TNR: variants seen among roughly 807,000 people sequenced by gnomAD.
The protein encoded by TNR is tenascin R.
TNR carries 45 observed loss-of-function variants against 150.4 expected under a neutral mutation model. That is an observed-to-expected ratio of 0.30 (90% CI 0.24 to 0.38). The LOEUF is 0.38. TNR is among the 10% of genes least tolerant of loss of function. The probability of loss-of-function intolerance (pLI) is 1.00; values close to 1 mark genes in which losing one functional copy is unlikely to be tolerated. For missense variants in TNR, 1,544 were observed against 1,759.1 expected (o/e 0.88, Z 2.19); for synonymous variants, 687 against 678.4 (o/e 1.01, Z -0.20).
chr1:175,556,942 C>T (rs1443036969), intron 1 of TNR: 1 of 152,190 alleles, frequency 6.6e-6, no homozygotes, highest in Non-Finnish European at 1.5e-5. Context: ...ATGTTGTGTA[C>T]AATTGTGACA....
chr1:175,522,872 T>A (rs1659696493), intron 2 of TNR, among the ~76,000 whole-genome samples: 1 of 152,254 alleles, frequency 6.6e-6, no homozygotes, highest in Non-Finnish European at 1.5e-5. Context: ...TTTAAATTTG[T>A]CTTTATGGCA....
intron 1 of TNR, among the ~76,000 whole-genome samples, chr1:175,540,510 CTG>C (rs1660461221): frequency 1.3e-5 from 2 of 152,326 alleles, no homozygotes; most frequent in East Asian, 3.9e-4. Context: ...GCTCTCAGCT[CTG>C]TTGCTGTGAC....
chr1:175,367,384 C>A, intron 9 of TNR, 87 bp from the exon 10 acceptor site: 1 of 1,047,690 alleles, frequency 9.5e-7, no homozygotes, highest in East Asian at 2.4e-5. Context: ...ATCTTAGACT[C>A]CTATTCATAT....
chr1:175,633,801 T>A (rs1433277601), intron 1 of TNR, among the ~76,000 whole-genome samples: 1 of 151,542 alleles, frequency 6.6e-6, no homozygotes, highest in Non-Finnish European at 1.5e-5. Context: ...ATGGGAGAGG[T>A]GGAGGGAGGA....
At chr1:175,492,527 C>A (rs531454102) in intron 2 of TNR, among the ~76,000 whole-genome samples, 1 of 152,288 alleles carries the variant, frequency 6.6e-6, no homozygotes, top group East Asian at 1.9e-4. Flanking sequence ...GAGAAGCATA[C>A]ACCTAGAAAA....
Position 175,431,635 on chromosome 1 carries a change from C to CTTT in TNR, c.-63-24861_-63-24859dup, listed in dbSNP as rs35340891. ...CCAGGAAAGCTTCCACTGACAATAACTTTTTTTTTTTTTTTTGTAATGGGG... is the reference window on the plus strand; with the variant it reads ...CCAGGAAAGCTTCCACTGACAATAACTTTTTTTTTTTTTTTTTTTGTAATGGGG... On this transcript the variant is annotated intron_variant, in intron 2 of 22. Transcript: ENST00000367674. Among the ~76,000 whole-genome samples, 1,217 of 143,122 alleles carry CTTT rather than the reference C, an allele frequency of 8.5e-3. 28 individuals carry two copies. Among genetic ancestry groups the CTTT allele is most frequent in the African/African-American group, 0.03 (1,160 of 38,664 alleles). The allele number at this position is 143,122 out of a possible 152,430, so 93.9% of individuals were successfully genotyped here.
At chr1:175,404,590 C>T (rs1653865811) in intron 3 of TNR, among the ~76,000 whole-genome samples, 1 of 152,210 alleles carries the variant, frequency 6.6e-6, no homozygotes, top group African/African-American at 2.4e-5. Context: ...TAGTAAGTTA[C>T]ATCCTTGTTT....
intron 2 of TNR, among the ~76,000 whole-genome samples, chr1:175,461,014 T>C (rs1243938516): frequency 6.6e-6 from 1 of 152,256 alleles, no homozygotes; most frequent in Non-Finnish European, 1.5e-5. Context: ...CATGCTTGCA[T>C]GGCTGAAGCC....
intron 2 of TNR, among the ~76,000 whole-genome samples, chr1:175,425,852 G>A (rs2102065829): frequency 6.6e-6 from 1 of 152,258 alleles, no homozygotes; most frequent in East Asian, 1.9e-4. Flanking sequence ...GAGTTTCAGG[G>A]CATTATTGGG....
intron 1 of TNR, among the ~76,000 whole-genome samples, chr1:175,645,563 T>C (rs886992900): frequency 1.3e-5 from 2 of 152,216 alleles, no homozygotes; most frequent in African/African-American, 4.8e-5. Flanking sequence ...CCACAACAGT[T>C]TTTAAAGAAA....
At chr1:175,711,444 G>A (rs1667011529) in intron 1 of TNR, among the ~76,000 whole-genome samples, 1 of 152,210 alleles carries the variant, frequency 6.6e-6, no homozygotes, top group Non-Finnish European at 1.5e-5. Context: ...TGCAGGCAAT[G>A]GGAGATGATA....
chr1:175,420,981 G>T (rs1266190095), intron 2 of TNR, among the ~76,000 whole-genome samples: 7 of 152,012 alleles, frequency 4.6e-5, no homozygotes, highest in Admixed American at 1.3e-4. Context: ...GTTTCAGGAA[G>T]AATACGCTCT....
intron 2 of TNR, among the ~76,000 whole-genome samples, chr1:175,407,144 G>A (rs1053016333): frequency 1.3e-5 from 2 of 152,176 alleles, no homozygotes; most frequent in Non-Finnish European, 2.9e-5. Context: ...TTCTAGGTGA[G>A]AAATTGGACC....
intron 1 of TNR, among the ~76,000 whole-genome samples, chr1:175,601,812 C>T (rs575554920): frequency 2.0e-4 from 31 of 152,202 alleles, no homozygotes; most frequent in Admixed American, 1.8e-3. Context: ...AACTCTATTC[C>T]TACCTAATAG....
intron 1 of TNR, among the ~76,000 whole-genome samples, chr1:175,566,822 T>A (rs1464986587): frequency 6.6e-6 from 1 of 152,226 alleles, no homozygotes; most frequent in Non-Finnish European, 1.5e-5. Flanking sequence ...AGTCTACGTT[T>A]TTTTGTCCAC....
chr1:175,491,807 A>G (rs1022788570), intron 2 of TNR, among the ~76,000 whole-genome samples: 23 of 150,998 alleles, frequency 1.5e-4, no homozygotes, highest in Admixed American at 6.6e-4. Flanking sequence ...CCACCACCAC[A>G]CCCGGCTAAT....
intron 1 of TNR, among the ~76,000 whole-genome samples, chr1:175,659,734 C>T (rs1318968784): frequency 2.0e-5 from 3 of 152,116 alleles, no homozygotes; most frequent in Non-Finnish European, 2.9e-5. Context: ...AAGGAGCTGA[C>T]GTCTATACAC....
At chr1:175,394,880 T>C (rs943065692) in intron 5 of TNR, among the ~76,000 whole-genome samples, 7 of 152,116 alleles carry the variant, frequency 4.6e-5, no homozygotes, top group Admixed American at 3.9e-4. Context: ...CCACAGGAGA[T>C]GGAAACCTCA....
chr1:175,391,461 G>A, intron 6 of TNR, 23 bp from the exon 7 acceptor site: 1 of 1,607,374 alleles, frequency 6.2e-7, no homozygotes, highest in South Asian at 1.1e-5. Flanking sequence ...GAGAAGCAGA[G>A]AGCAAAAGAG....
Sources: gnomAD v4.1 joint callset for allele counts (sites outside exome capture counted in the v4.1 genomes callset) on GRCh38, gnomAD v4.1.1 for gene constraint, MANE v1.5 for transcripts, NCBI Gene and HGNC (gene_info 2026-07-23, HGNC 2026-07-21) for gene names.